TDRD12: variants seen among roughly 807,000 people sequenced by gnomAD.
TDRD12 encodes tudor domain containing 12.
In TDRD12, 158 loss-of-function variants were observed where a neutral mutation model predicts 133.5. The observed-to-expected ratio is 1.18, with a 90% CI of 1.04 to 1.35. The LOEUF (loss-of-function observed/expected upper bound fraction) is 1.35, where lower values mean the gene tolerates loss of function less well. TDRD12 is among the 40% of genes most tolerant of loss of function. The probability of loss-of-function intolerance (pLI) is 0.00; values close to 1 mark genes in which losing one functional copy is unlikely to be tolerated. For missense variants in TDRD12, 1,443 were observed against 1,321.3 expected (o/e 1.09, Z -1.43); for synonymous variants, 460 against 477.9 (o/e 0.96, Z 0.49).
intron 8 of TDRD12, among the ~76,000 whole-genome samples, chr19:32,766,426 T>C (rs528205835): frequency 6.6e-6 from 1 of 152,220 alleles, no homozygotes; most frequent in Non-Finnish European, 1.5e-5. Flanking sequence ...CCTGTTGTGC[T>C]ATCACGTAGT....
At chr19:32,752,997 C>T (rs8107171) in intron 6 of TDRD12, among the ~76,000 whole-genome samples, 88,928 of 151,498 alleles carry the variant, frequency 0.59, 26,951 homozygotes, top group East Asian at 0.82. Context: ...TTTCACTGTG[C>T]TAGCCAGGAT....
At chr19:32,772,756 A>G in exon 9 of TDRD12, 1 of 1,497,212 alleles carries the variant, frequency 6.7e-7, no homozygotes. Flanking sequence ...TTTGCAGACA[A>G]AGCTGTAAAA....
chr19:32,779,998 T>C (rs1054282652), intron 11 of TDRD12, among the ~76,000 whole-genome samples: 3 of 152,130 alleles, frequency 2.0e-5, no homozygotes, highest in Non-Finnish European at 4.4e-5. Flanking sequence ...TGTCTTCCTT[T>C]AAACATTTTA....
At chr19:32,804,006 G>A (rs1971472887) in intron 21 of TDRD12, among the ~76,000 whole-genome samples, 2 of 152,082 alleles carry the variant, frequency 1.3e-5, no homozygotes, top group African/African-American at 4.8e-5. Flanking sequence ...TCTCCTCCAA[G>A]CTGTGGCTTG....
chr19:32,755,120 C>T (rs953666653), intron 6 of TDRD12, among the ~76,000 whole-genome samples: 9 of 140,624 alleles, frequency 6.4e-5, no homozygotes, highest in Non-Finnish European at 1.2e-4. Flanking sequence ...GTTGCCAAGT[C>T]CTCTTCCATT....
chr19:32,730,527 A>G (rs146299963), intron 1 of TDRD12, among the ~76,000 whole-genome samples: 273 of 152,164 alleles, frequency 1.8e-3, no homozygotes, highest in African/African-American at 6.2e-3. Context: ...AAACTATTCT[A>G]TTGTCACTGG....
At chr19:32,790,552 T>C (rs1412106076) in exon 12 of TDRD12, 1 of 1,551,940 alleles carries the variant, frequency 6.4e-7, no homozygotes, top group South Asian at 1.2e-5. Context: ...TTTTAAATCC[T>C]GATCCTTTGA....
At chr19:32,785,992 T>A (rs1016572217) in intron 11 of TDRD12, among the ~76,000 whole-genome samples, 37 of 152,350 alleles carry the variant, frequency 2.4e-4, no homozygotes, top group African/African-American at 8.4e-4. Context: ...CTGGTTATTT[T>A]GCCCATTAAT....
chr19:32,767,272 G>C (rs1970326654), intron 8 of TDRD12, among the ~76,000 whole-genome samples: 2 of 151,776 alleles, frequency 1.3e-5, no homozygotes, highest in African/African-American at 4.8e-5. Flanking sequence ...GGGATTACAG[G>C]TGTGCACCAC....
intron 1 of TDRD12, among the ~76,000 whole-genome samples, chr19:32,728,706 C>T (rs1244379732): frequency 7.7e-5 from 11 of 143,364 alleles, no homozygotes; most frequent in Middle Eastern, 3.8e-3. Flanking sequence ...AGTGCAGTGG[C>T]GCGATCTTGG....
chr19:32,755,922 T>C, intron 6 of TDRD12, 70 bp from the exon 7 acceptor site: 1 of 1,170,146 alleles, frequency 8.5e-7, no homozygotes, highest in Non-Finnish European at 1.1e-6. Flanking sequence ...GGGTTAAGTT[T>C]GGAATATTTC....
chr19:32,815,421 A>C (rs558385145), intron 25 of TDRD12, 27 bp from the exon 26 acceptor site: 1 of 1,514,104 alleles, frequency 6.6e-7, no homozygotes, highest in South Asian at 1.2e-5. Flanking sequence ...GATTACTGCT[A>C]ATGTTCAATT....
At chr19:32,818,441 G>A (rs1220379747) in intron 27 of TDRD12, among the ~76,000 whole-genome samples, 1 of 152,200 alleles carries the variant, frequency 6.6e-6, no homozygotes, top group African/African-American at 2.4e-5. Flanking sequence ...GGAGTGACTT[G>A]AACAGAAGAT....
chr19:32,738,156 T>C (rs756731321), intron 2 of TDRD12, among the ~76,000 whole-genome samples: 12 of 151,796 alleles, frequency 7.9e-5, no homozygotes, highest in Non-Finnish European at 4.4e-5. Flanking sequence ...TAAAGAGTCA[T>C]GGGTAAGGGA....
intron 8 of TDRD12, among the ~76,000 whole-genome samples, chr19:32,762,403 TG>T (rs1443127292): frequency 6.6e-6 from 1 of 152,224 alleles, no homozygotes; most frequent in East Asian, 1.9e-4. Context: ...ATGTGGATGT[TG>T]AGTTGTTCCA....
chr19:32,805,014 A>G (rs1360872660), intron 21 of TDRD12, among the ~76,000 whole-genome samples: 1 of 151,778 alleles, frequency 6.6e-6, no homozygotes, highest in Non-Finnish European at 1.5e-5. Context: ...GTTTGTATGT[A>G]TGACCAGGTA....
At chr19:32,767,168 G>A (rs1488153580) in intron 8 of TDRD12, among the ~76,000 whole-genome samples, 1 of 149,374 alleles carries the variant, frequency 6.7e-6, no homozygotes, top group Admixed American at 6.7e-5. Flanking sequence ...TGCTCTTATT[G>A]CCCAGGCTGT....
At chr19:32,810,106 A>G (rs984003187) in exon 23 of TDRD12, 10 of 1,520,326 alleles carry the variant, frequency 6.6e-6, no homozygotes, top group Non-Finnish European at 8.8e-6. Flanking sequence ...ATACCTTTTT[A>G]TATTTTGAAT....
intron 11 of TDRD12, among the ~76,000 whole-genome samples, chr19:32,784,306 A>G (rs1970847008): frequency 6.6e-6 from 1 of 152,124 alleles, no homozygotes; most frequent in African/African-American, 2.4e-5. Context: ...TGATTTGCGT[A>G]TGTTGAACCA....
Sources: gnomAD v4.1 joint callset for allele counts (sites outside exome capture counted in the v4.1 genomes callset) on GRCh38, gnomAD v4.1.1 for gene constraint, MANE v1.5 for transcripts, NCBI Gene and HGNC (gene_info 2026-07-23, HGNC 2026-07-21) for gene names.